Variants in ALMS1 observed in about 807,000 individuals in gnomAD.
ALMS1 encodes the protein ALMS1 centrosome and basal body associated protein, also known as centrosome-associated protein ALMS1.
ALMS1 carries 271 observed loss-of-function variants against 352.2 expected under a neutral mutation model. The ratio of observed to expected loss-of-function variants is 0.77; its 90% CI spans 0.70 to 0.85. ALMS1 has a LOEUF of 0.85. ALMS1 is among the 40% of genes least tolerant of loss of function. ALMS1 has a pLI of 0.00. For synonymous variants in ALMS1, 1,865 were observed against 1,761.2 expected, an observed-to-expected ratio of 1.06 and a Z score of -1.48; for missense variants, 5,445 against 4,870.7, an observed-to-expected ratio of 1.12 and a Z score of -3.51.
At chr2:73,426,416 A>G (rs747041911) in intron 5 of ALMS1, 37 bp from the exon 6 acceptor site, 1 of 1,603,422 alleles carries the variant, frequency 6.2e-7, no homozygotes, top group Admixed American at 1.7e-5. Flanking sequence ...TAGTTTTACT[A>G]TACATACAAT....
At chr2:73,602,982 T>A (rs1444499607) in intron 20 of ALMS1, among the ~76,000 whole-genome samples, 1 of 152,248 alleles carries the variant, frequency 6.6e-6, no homozygotes, top group Non-Finnish European at 1.5e-5. Context: ...TACCTAATTC[T>A]TTTATCCAAC....
intron 2 of ALMS1, among the ~76,000 whole-genome samples, chr2:73,414,356 C>G (rs1384182785): frequency 1.4e-5 from 2 of 140,920 alleles, no homozygotes; most frequent in African/African-American, 5.0e-5. Flanking sequence ...GCTAATCTCA[C>G]TTACTAGTTT....
At chr2:73,508,792 C>T (rs909514297) in intron 10 of ALMS1, among the ~76,000 whole-genome samples, 5 of 152,046 alleles carry the variant, frequency 3.3e-5, no homozygotes, top group African/African-American at 1.2e-4. Context: ...TTTTCTGTCT[C>T]GTTGATTTGT....
chr2:73,567,309 C>G (rs1023261182), intron 15 of ALMS1, among the ~76,000 whole-genome samples: 7 of 152,178 alleles, frequency 4.6e-5, no homozygotes, highest in African/African-American at 1.7e-4. Context: ...ATAACAGACC[C>G]TCCTTGAACC....
At chr2:73,507,480 ACTT>A (rs1673352546) in intron 10 of ALMS1, among the ~76,000 whole-genome samples, 1 of 152,084 alleles carries the variant, frequency 6.6e-6, no homozygotes, top group African/African-American at 2.4e-5. Context: ...CAGGGATTTG[ACTT>A]CTTCCTGGTT....
intron 7 of ALMS1, among the ~76,000 whole-genome samples, chr2:73,446,975 T>C (rs985921758): frequency 2.0e-5 from 3 of 152,172 alleles, no homozygotes; most frequent in African/African-American, 7.2e-5. Flanking sequence ...TAACACCATC[T>C]GACACATCAT....
At chr2:73,574,148 C>G (rs1006806559) in intron 16 of ALMS1, among the ~76,000 whole-genome samples, 1 of 152,012 alleles carries the variant, frequency 6.6e-6, no homozygotes, top group African/African-American at 2.4e-5. Context: ...GATAAGAGAC[C>G]TAAAATAAAT....
At chr2:73,550,149 C>T (rs968869210) in intron 12 of ALMS1, 118 bp from the exon 13 acceptor site, 97 of 1,038,346 alleles carry the variant, frequency 9.3e-5, no homozygotes, top group East Asian at 1.5e-4. Context: ...CATGAGCCAT[C>T]GTGCCTGGCC....
At chr2:73,522,009 T>G (rs1410008836) in intron 11 of ALMS1, among the ~76,000 whole-genome samples, 3 of 152,090 alleles carry the variant, frequency 2.0e-5, no homozygotes, top group African/African-American at 7.2e-5. Flanking sequence ...CCCATTAGTC[T>G]GAATTAACAA....
intron 8 of ALMS1, chr2:73,454,425 C>G (rs1431407941): frequency 3.2e-6 from 3 of 944,330 alleles, no homozygotes. Flanking sequence ...TTCTCTAATC[C>G]TCCCATTATA....
intron 10 of ALMS1, among the ~76,000 whole-genome samples, chr2:73,516,143 C>G (rs1673551073): frequency 6.6e-6 from 1 of 152,230 alleles, no homozygotes; most frequent in African/African-American, 2.4e-5. Context: ...AGGACATGAA[C>G]AGACGCTTCT....
At chr2:73,574,510 T>C (rs1412640774) in intron 16 of ALMS1, among the ~76,000 whole-genome samples, 1 of 152,162 alleles carries the variant, frequency 6.6e-6, no homozygotes, top group African/African-American at 2.4e-5. Context: ...TAAAAAAATT[T>C]TTGTCAGATT....
chr2:73,580,434 A>G (rs1675153631), intron 16 of ALMS1, among the ~76,000 whole-genome samples: 1 of 152,122 alleles, frequency 6.6e-6, no homozygotes, highest in South Asian at 2.1e-4. Context: ...CTTCATTGAT[A>G]TTCTCTTTGT....
Position 73,490,643 on chromosome 2 carries a change from G to T in ALMS1, c.8684G>T (p.Arg2895Leu). The part of the protein sequence containing the change: ...RELFEQSKAP[R>L]ADDHVRKHHS... ...CTCTTTGAACAAAGCAAAGCCCCAC[G>T]TGCAGATGACCATGTGAGGAAACAC... is the stretch of plus-strand genomic sequence containing the variant. Residue 2895 changes from arginine (R) to leucine (L), a missense_variant, in exon 10 of 23, where the codon CGT becomes CTT. Coordinates refer to ENST00000613296, the MANE Select transcript of ALMS1 (RefSeq NM_001378454.1). 1 of 1,613,790 alleles carries T rather than the reference G, an allele frequency of 6.2e-7. No individual in the cohort carries two copies. The highest frequency in any genetic ancestry group is 8.5e-7 in the Non-Finnish European group (1 of 1,179,956).
intron 16 of ALMS1, among the ~76,000 whole-genome samples, chr2:73,585,678 G>A (rs544748439): frequency 2.1e-4 from 31 of 150,282 alleles, no homozygotes; most frequent in Non-Finnish European, 1.3e-4. Context: ...ACAGGCATAA[G>A]CCACCACGCC....
rs190113025 is a variant in ALMS1 at position 73,586,414 on chromosome 2, A to T, written c.11548-12987A>T. Among the ~76,000 whole-genome samples the T allele has an allele frequency of 1.1e-3, 164 of 152,132 alleles. 3 individuals are homozygous for T. Among genetic ancestry groups the T allele is most frequent in the Admixed American group, 9.5e-3 (145 of 15,286 alleles). On this transcript the variant is annotated intron_variant, in intron 16 of 22. Coordinates refer to ENST00000613296, the MANE Select transcript of ALMS1 (RefSeq NM_001378454.1). ...TAAGTCTTTAATCCATCTTGAGTTA[A>T]TTTTTTTGTAAGGGTGAGAGATGAG...
intron 1 of ALMS1, among the ~76,000 whole-genome samples, chr2:73,396,766 T>G (rs1670772166): frequency 6.6e-6 from 1 of 151,502 alleles, no homozygotes; most frequent in African/African-American, 2.4e-5. Flanking sequence ...TGCCTCAGCC[T>G]CCCAAGTAGC....
intron 12 of ALMS1, among the ~76,000 whole-genome samples, chr2:73,536,468 A>G (rs190117261): frequency 1.3e-5 from 2 of 152,124 alleles, no homozygotes; most frequent in East Asian, 1.9e-4. Context: ...TCTAGTTGCC[A>G]TACACACTTG....
chr2:73,423,295 C>G (rs1349065897), intron 4 of ALMS1, among the ~76,000 whole-genome samples: 1 of 152,202 alleles, frequency 6.6e-6, no homozygotes, highest in African/African-American at 2.4e-5. Flanking sequence ...CATCATCTCT[C>G]TCCTCCCTCT....
Sources: gnomAD v4.1 joint callset for allele counts (sites outside exome capture counted in the v4.1 genomes callset) on GRCh38, gnomAD v4.1.1 for gene constraint, MANE v1.5 for transcripts, NCBI Gene and HGNC (gene_info 2026-07-23, HGNC 2026-07-21) for gene names.